Variants in TSHZ2 observed in about 807,000 individuals in gnomAD.
The protein encoded by TSHZ2 is teashirt homolog 2.
TSHZ2 carries 21 observed loss-of-function variants against 74.4 expected under a neutral mutation model. The ratio of observed to expected loss-of-function variants is 0.28; its 90% CI spans 0.20 to 0.41. The LOEUF is 0.41. Among genes scored for constraint, TSHZ2 ranks in the 10% least tolerant of loss-of-function variants. TSHZ2 has a pLI of 1.00. For synonymous variants in TSHZ2, 540 were observed against 515.3 expected (o/e 1.05, Z -0.65); for missense variants, 1,244 against 1,293.5 (o/e 0.96, Z 0.59).
At chr20:53,472,226 A>G (rs1240386137) in intron 2 of TSHZ2, among the ~76,000 whole-genome samples, 1 of 152,198 alleles carries the variant, frequency 6.6e-6, no homozygotes, top group Non-Finnish European at 1.5e-5. Context: ...AAAACAGCCC[A>G]CTGAGCGAAT....
At chr20:53,224,935 T>C (rs1447847500) in intron 1 of TSHZ2, among the ~76,000 whole-genome samples, 1 of 152,178 alleles carries the variant, frequency 6.6e-6, no homozygotes, top group Non-Finnish European at 1.5e-5. Context: ...CTGGAGATGA[T>C]TAATTATTCC....
rs1052650585 is a variant in TSHZ2, at chr20:53,027,562, T to C, written c.40+54229T>C. 5.9e-5 allele frequency among the ~76,000 whole-genome samples: 9 copies of C among 152,016 alleles called. No individual in the cohort carries two copies. The East Asian group carries it at 1.5e-3, about 26-fold the overall frequency. On this transcript the variant is annotated intron_variant, in intron 1 of 2. Coordinates refer to ENST00000371497, the MANE Select transcript of TSHZ2 (RefSeq NM_173485.6). The stretch of plus-strand genomic sequence containing the variant: ...GAGTGACAAGTAGAAAAGCCTGGAA[T>C]TGGTAAAAGACGCTGCGTTCAAGGT...
intron 1 of TSHZ2, among the ~76,000 whole-genome samples, chr20:53,245,161 T>C (rs1034231651): frequency 1.3e-5 from 2 of 152,214 alleles, no homozygotes; most frequent in African/African-American, 4.8e-5. Context: ...TGCTATACTC[T>C]AAAGCATCTT....
At chr20:53,461,529 C>T (rs144765855) in intron 2 of TSHZ2, 3,754 of 153,414 alleles carry the variant, frequency 0.024, 147 homozygotes, top group African/African-American at 0.083. Context: ...AGCTGTAGAC[C>T]GGAGCTGTTC....
At chr20:53,030,369 A>T (rs1983591531) in intron 1 of TSHZ2, among the ~76,000 whole-genome samples, 1 of 145,240 alleles carries the variant, frequency 6.9e-6, no homozygotes. Context: ...AAAAAAAAAT[A>T]GTCAACCTGG....
At chr20:53,438,551 AG>A (rs1415787941) in intron 2 of TSHZ2, among the ~76,000 whole-genome samples, 1 of 152,242 alleles carries the variant, frequency 6.6e-6, no homozygotes, top group Non-Finnish European at 1.5e-5. Flanking sequence ...CTAGGAGAAT[AG>A]AACATGCTGA....
At chr20:53,345,814 A>G (rs1182737838) in intron 2 of TSHZ2, among the ~76,000 whole-genome samples, 1 of 148,774 alleles carries the variant, frequency 6.7e-6, no homozygotes, top group Non-Finnish European at 1.5e-5. Flanking sequence ...TGCCACCCCT[A>G]AGGCGGTGGC....
chr20:53,188,013 C>G (rs1054714514), intron 1 of TSHZ2, among the ~76,000 whole-genome samples: 1 of 152,148 alleles, frequency 6.6e-6, no homozygotes, highest in Non-Finnish European at 1.5e-5. Flanking sequence ...GTCTGGAAGA[C>G]TTTCTGTTCC....
intron 1 of TSHZ2, among the ~76,000 whole-genome samples, chr20:53,076,031 G>C (rs1177713524): frequency 6.6e-6 from 1 of 152,196 alleles, no homozygotes; most frequent in African/African-American, 2.4e-5. Context: ...GATCTTCAAG[G>C]TTCCTTTCGA....
At chr20:53,257,356 C>CATAA (rs1297305939) in intron 2 of TSHZ2, among the ~76,000 whole-genome samples, 3 of 152,182 alleles carry the variant, frequency 2.0e-5, no homozygotes, top group Non-Finnish European at 4.4e-5. Context: ...TTTCATTTCA[C>CATAA]ATAAAGAAAC....
chr20:53,290,467 A>G (rs778728461), intron 2 of TSHZ2, among the ~76,000 whole-genome samples: 1 of 152,082 alleles, frequency 6.6e-6, no homozygotes, highest in Non-Finnish European at 1.5e-5. Context: ...GCAAACTACT[A>G]GAAAAAAAAG....
Position 52,980,763 on chromosome 20 carries a change from T to C in TSHZ2, c.40+7430T>C, listed in dbSNP as rs376057728. Among the ~76,000 whole-genome samples, 80 of 152,290 alleles carry C rather than the reference T, an allele frequency of 5.3e-4. No individual in the cohort carries two copies. In the East Asian group the frequency reaches 0.013, roughly 24 times the overall value. On this transcript the variant is annotated intron_variant, in intron 1 of 2. Transcript: ENST00000371497. ...GAAAAACCCATGAAACCTTGTGACA[T>C]GGGAGATACAAAAATGAGACAGAGG...
intron 1 of TSHZ2, among the ~76,000 whole-genome samples, chr20:53,216,952 T>C (rs1255646349): frequency 1.3e-5 from 2 of 152,042 alleles, no homozygotes; most frequent in Non-Finnish European, 2.9e-5. Flanking sequence ...GTGAGCAGAG[T>C]TGGAAACGGC....
intron 1 of TSHZ2, among the ~76,000 whole-genome samples, chr20:53,215,003 A>G (rs1262693339): frequency 6.6e-6 from 1 of 152,138 alleles, no homozygotes; most frequent in Non-Finnish European, 1.5e-5. Context: ...GGAAGGATAA[A>G]AAATCCAATG....
intron 1 of TSHZ2, among the ~76,000 whole-genome samples, chr20:53,049,879 C>T (rs1696885530): frequency 6.6e-6 from 1 of 151,678 alleles, no homozygotes; most frequent in African/African-American, 2.4e-5. Flanking sequence ...GTCAGGAGCT[C>T]GAGACTAGCC....
intron 1 of TSHZ2, among the ~76,000 whole-genome samples, chr20:53,117,748 C>A (rs1244359979): frequency 1.3e-5 from 2 of 152,172 alleles, no homozygotes; most frequent in Non-Finnish European, 2.9e-5. Context: ...TATTTTAAAG[C>A]CGTAATCATG....
At chr20:53,119,815 C>T (rs1986762930) in intron 1 of TSHZ2, among the ~76,000 whole-genome samples, 1 of 152,094 alleles carries the variant, frequency 6.6e-6, no homozygotes, top group Admixed American at 6.5e-5. Context: ...CTTGGGGCTT[C>T]GTAAAGCTTT....
intron 2 of TSHZ2, among the ~76,000 whole-genome samples, chr20:53,278,973 T>C (rs1990999696): frequency 6.6e-6 from 1 of 152,234 alleles, no homozygotes; most frequent in Admixed American, 6.5e-5. Flanking sequence ...ATAAAGTCAA[T>C]TAACACATAT....
intron 2 of TSHZ2, among the ~76,000 whole-genome samples, chr20:53,449,692 C>T (rs1984694704): frequency 6.6e-6 from 1 of 151,750 alleles, no homozygotes; most frequent in Admixed American, 6.6e-5. Context: ...AAATCCTACC[C>T]CCTTCTTCAA....
Sources: gnomAD v4.1 joint callset for allele counts (sites outside exome capture counted in the v4.1 genomes callset) on GRCh38, gnomAD v4.1.1 for gene constraint, MANE v1.5 for transcripts, NCBI Gene and HGNC (gene_info 2026-07-23, HGNC 2026-07-21) for gene names.